Variants in HIVEP2 observed in about 807,000 individuals in gnomAD.
HIVEP2 encodes HIVEP zinc finger 2.
A neutral mutation model predicts 180.7 loss-of-function variants in HIVEP2; 14 were observed. The observed-to-expected ratio is 0.08, with a 90% CI of 0.05 to 0.12. The LOEUF (loss-of-function observed/expected upper bound fraction) is 0.12, where lower values mean the gene tolerates loss of function less well. Among genes scored for constraint, HIVEP2 ranks in the 10% least tolerant of loss-of-function variants. The pLI is 1.00. For missense variants in HIVEP2, 2,579 were observed against 3,008.5 expected, an observed-to-expected ratio of 0.86 and a Z score of 3.34; for synonymous variants, 1,184 against 1,136.4, an observed-to-expected ratio of 1.04 and a Z score of -0.84.
At position 142,774,795 on chromosome 6, in the gene HIVEP2, G is replaced by A; in HGVS notation, c.-57C>T. 6.4e-7 allele frequency: 1 copy of A among 1,570,874 alleles called. No individual in the cohort carries two copies. Among genetic ancestry groups the A allele is most frequent in the Non-Finnish European group, 8.6e-7 (1 of 1,159,588 alleles). On this transcript the variant is annotated 5_prime_UTR_variant, in exon 5 of 10. Transcript: ENST00000367603. This position sits in a 1 kb window ranked among gnomAD's most constrained non-coding sequence, Gnocchi z 5.1. ...CCTGAAAGCAGTGCAGACTCATGGA[G>A]TGTCTCCAAAGCTGTGCTTCTTAAA...
chr6:142,773,134 T>C lies in HIVEP2; in HGVS notation c.1605A>G (p.Val535=). Residue 535 remains valine (V), a synonymous_variant, in exon 5 of 10, where the codon GTA becomes GTG. Transcript: ENST00000367603. ...GSNPVLLEAP[V]DSSPLIRSNS... ...TGCTTCTAATAAGGGGTGAAGAGTC[T>C]ACAGGAGCTTCTAAGAGAACCGGGT... The C allele has an allele frequency of 6.2e-7, 1 of 1,614,224 alleles. No homozygotes were observed. Among genetic ancestry groups the C allele is most frequent in the Non-Finnish European group, 8.5e-7 (1 of 1,180,032 alleles).
In HIVEP2 at chr6:142,770,514, C is replaced by G. The variant is rs1775501086; in HGVS notation, c.4225G>C (p.Ala1409Pro). 6.2e-7 allele frequency: 1 copy of G among 1,614,062 alleles called. No homozygotes were observed. Among genetic ancestry groups the G allele is most frequent in the Admixed American group, 1.7e-5 (1 of 60,008 alleles). The change falls in exon 5 of 10, where the codon GCA (alanine) becomes CCA (proline). Residue 1409 changes from alanine to proline, a missense_variant. Around this residue, in one of 11 missense-constraint regions of HIVEP2, gnomAD observed 523 missense variants for 577.0 expected, o/e 0.91. Coordinates refer to ENST00000367603, the MANE Select transcript of HIVEP2 (RefSeq NM_006734.4). This position sits in a 1 kb window ranked among gnomAD's most constrained non-coding sequence, Gnocchi z 4.7. ...AGLEKYPIWK[A>P]PQTLPLGLES... ...AAGCCGAGGGGCAAAGTCTGAGGTG[C>G]TTTCCAAATGGGGTACTTCTCCAAG...
rs1774993044 is a variant in HIVEP2, at chr6:142,753,806, A to T, written c.6642T>A (p.Leu2214=). Residue 2214 remains leucine, a synonymous_variant, in exon 10 of 10, where the codon CTT becomes CTA. Transcript: ENST00000367603. ...EGPNDYVFSH[L]PLHSQQQVRA... ...GCACTTGTTGCTGAGAGTGGAGTGG[A>T]AGATGACTGAAGACATAGTCATTAG... 1.2e-6 allele frequency: 2 copies of T among 1,614,140 alleles called. No individual in the cohort carries two copies. The highest frequency in any genetic ancestry group is 4.5e-5 in the East Asian group (2 of 44,880).
At chr6:142,884,473 G>A (rs934408892) in intron 1 of HIVEP2, among the ~76,000 whole-genome samples, 1 of 151,452 alleles carries the variant, frequency 6.6e-6, no homozygotes, top group African/African-American at 2.4e-5. Context: ...AAAAAAAAAA[G>A]AACAAAATAA....
At chr6:142,854,495 A>G (rs1173419030) in intron 1 of HIVEP2, among the ~76,000 whole-genome samples, 1 of 152,206 alleles carries the variant, frequency 6.6e-6, no homozygotes, top group African/African-American at 2.4e-5. Flanking sequence ...ACTTCATCCT[A>G]AAGATCGTGC....
intron 1 of HIVEP2, among the ~76,000 whole-genome samples, chr6:142,839,597 A>C (rs1235468868): frequency 6.6e-6 from 1 of 152,076 alleles, no homozygotes; most frequent in Admixed American, 6.6e-5. Flanking sequence ...GGCTTGAGTG[A>C]CTTTCTCTAG....
intron 2 of HIVEP2, among the ~76,000 whole-genome samples, chr6:142,788,758 G>A (rs1185920283): frequency 9.2e-5 from 14 of 151,864 alleles, no homozygotes; most frequent in South Asian, 8.3e-4. Flanking sequence ...ACAAACAAAC[G>A]AAGAGCTCAG....
At position 142,774,829 on chromosome 6, in the gene HIVEP2, G is replaced by C; in HGVS notation, c.-91C>G. On this transcript the variant is annotated 5_prime_UTR_variant, in exon 5 of 10. Coordinates refer to ENST00000367603, the MANE Select transcript of HIVEP2 (RefSeq NM_006734.4). This position sits in a 1 kb window ranked among gnomAD's most constrained non-coding sequence, Gnocchi z 5.1. ...AAGCTGTGCTTCTTAAAGCTTGGTT[G>C]CTTCCATGTTCCAGGGTGTCTGCAA... 1 of 1,527,570 alleles carries C rather than the reference G, an allele frequency of 6.5e-7. No homozygotes were observed. The highest frequency in any genetic ancestry group is 1.3e-5 in the South Asian group (1 of 75,538). 94.6% of individuals were successfully genotyped at this position (1,527,570 alleles called of 1,614,324 possible). A position where few individuals can be genotyped will look rare whatever the true frequency, so the allele number is the denominator to read the frequency against.
chr6:142,847,467 T>C (rs1438772679), intron 1 of HIVEP2, among the ~76,000 whole-genome samples: 4 of 152,006 alleles, frequency 2.6e-5, no homozygotes, highest in Non-Finnish European at 5.9e-5. Flanking sequence ...TTACACATAT[T>C]TGCGATTTAA....
At chr6:142,936,789 T>C (rs1477352002) in intron 1 of HIVEP2, among the ~76,000 whole-genome samples, 3 of 152,072 alleles carry the variant, frequency 2.0e-5, no homozygotes, top group South Asian at 2.1e-4. Flanking sequence ...AGTTTCTAAA[T>C]TAGTCTACTA....
intron 9 of HIVEP2, 48 bp downstream of exon 9, chr6:142,759,724 C>G (rs369563901): frequency 6.9e-7 from 1 of 1,458,144 alleles, no homozygotes; most frequent in Admixed American, 2.1e-5. Context: ...TCAGGAGGAC[C>G]AATGTGCTTC....
At chr6:142,779,618 A>AAAAC (rs1184359761) in intron 3 of HIVEP2, 1 of 152,212 alleles carries the variant, frequency 6.6e-6, no homozygotes, top group East Asian at 1.9e-4. Context: ...AGACTATCTC[A>AAAAC]AAACAAACAA....
chr6:142,813,592 T>G (rs1298980018), intron 2 of HIVEP2, among the ~76,000 whole-genome samples: 2 of 150,874 alleles, frequency 1.3e-5, no homozygotes, highest in Admixed American at 1.3e-4. Context: ...TTTTTTTTTT[T>G]GAGACATGAT....
At chr6:142,843,000 T>TA (rs776032437) in intron 1 of HIVEP2, among the ~76,000 whole-genome samples, 23 of 152,166 alleles carry the variant, frequency 1.5e-4, no homozygotes, top group Non-Finnish European at 2.8e-4. Context: ...ATCAGATACC[T>TA]AAATCACAAC....
rs959783772 is a variant in HIVEP2, at chr6:142,819,194, C to A, written c.-528+17741G>T. On this transcript the variant is annotated intron_variant, in intron 2 of 9. Coordinates refer to ENST00000367603, the MANE Select transcript of HIVEP2 (RefSeq NM_006734.4). Reference sequence around the variant, plus strand: ...GAGCTATGATCACTCCACTGCTCTTCAGGCTGGGCAACAGAGTGAGACCCT... The same window carrying A: ...GAGCTATGATCACTCCACTGCTCTTAAGGCTGGGCAACAGAGTGAGACCCT... Among the ~76,000 whole-genome samples, 54 of 151,912 alleles carry A rather than the reference C, an allele frequency of 3.6e-4. 1 individual carries two copies. The highest frequency in any genetic ancestry group is 3.5e-3 in the Admixed American group (54 of 15,250).
chr6:142,907,309 G>A lies in HIVEP2; in HGVS notation c.-641+37790C>T, dbSNP rs536144575. On this transcript the variant is annotated intron_variant, in intron 1 of 9. Transcript: ENST00000367603. ...AATTCTCAACTTACAACCACCTGAC[G>A]AAAACCAAAAATAAAACCAGCTGCT... 7.2e-5 allele frequency among the ~76,000 whole-genome samples: 11 copies of A among 152,162 alleles called. No individual in the cohort carries two copies. In the South Asian group the frequency reaches 1.9e-3, roughly 26 times the overall value.
chr6:142,818,494 T>C lies in HIVEP2; in HGVS notation c.-528+18441A>G, dbSNP rs901714159. Among the ~76,000 whole-genome samples, 3 of 151,488 alleles carry C rather than the reference T, an allele frequency of 2.0e-5. No individual in the cohort carries two copies. In the South Asian group the frequency reaches 6.3e-4, roughly 32 times the overall value. The stretch of plus-strand genomic sequence containing the variant: ...GAGTTCAAGACTAGCCTGGGCAACA[T>C]TATGAAGCTTCGTCTCCACAAAAAA... On this transcript the variant is annotated intron_variant, in intron 2 of 9. Coordinates refer to ENST00000367603, the MANE Select transcript of HIVEP2 (RefSeq NM_006734.4).
chr6:142,855,628 T>G (rs1322756321), intron 1 of HIVEP2, among the ~76,000 whole-genome samples: 1 of 152,202 alleles, frequency 6.6e-6, no homozygotes, highest in East Asian at 1.9e-4. Flanking sequence ...CTATACTGAA[T>G]TATCTGCTGA....
At chr6:142,776,255 A>G (rs1307338512) in intron 3 of HIVEP2, 64 bp from the exon 4 acceptor site, 1 of 152,616 alleles carries the variant, frequency 6.6e-6, no homozygotes, top group East Asian at 1.9e-4. Context: ...CGATATATAC[A>G]AATACAAATT....
Sources: allele counts gnomAD v4.1 joint callset (sites outside exome capture counted in the v4.1 genomes callset), GRCh38; gene constraint gnomAD v4.1.1; regional missense constraint gnomAD v4.1.1; non-coding constraint Gnocchi (gnomAD v3.1); transcripts MANE v1.5; gene names NCBI Gene and HGNC (gene_info 2026-07-23, HGNC 2026-07-21).